Variants in ZMYND12 observed in about 807,000 individuals in gnomAD.
The protein encoded by ZMYND12 is zinc finger MYND domain-containing protein 12.
Under a neutral mutation model 41.7 loss-of-function variants are expected in ZMYND12, and 32 were observed. The observed-to-expected ratio is 0.77, with a 90% CI of 0.58 to 1.03. ZMYND12 has a LOEUF of 1.03. ZMYND12 is among the 50% of genes least tolerant of loss of function. The pLI is 0.00. For synonymous variants in ZMYND12, 148 were observed against 164.8 expected (o/e 0.90, Z 0.78); for missense variants, 424 against 438.5 (o/e 0.97, Z 0.30).
At chr1:42,453,587 G>GT (rs1367836609) in intron 1 of ZMYND12, among the ~76,000 whole-genome samples, 1 of 152,230 alleles carries the variant, frequency 6.6e-6, no homozygotes, top group Non-Finnish European at 1.5e-5. Context: ...ACAGAGTACT[G>GT]TAAAGTTAGT....
At chr1:42,445,393 AT>A (rs1643013397) in intron 3 of ZMYND12, among the ~76,000 whole-genome samples, 1 of 148,920 alleles carries the variant, frequency 6.7e-6, no homozygotes, top group Non-Finnish European at 1.5e-5. Context: ...AGATCAGGCC[AT>A]TGCACTCCAG....
Position 42,430,744 on chromosome 1 carries a change from T to C in ZMYND12, c.1090A>G (p.Ile364Val), listed in dbSNP as rs776847472. The C allele has an allele frequency of 1.9e-6, 3 of 1,614,136 alleles. No homozygotes were observed. Among genetic ancestry groups the C allele is most frequent in the Non-Finnish European group, 1.7e-6 (2 of 1,180,000 alleles). ...LSLISTEDHP[I>V]T ...GCAGAGCTCATGGGTCACTAAGTAA[T>C]GGGATGGTCTTCAGTTGAAATGAGA... Residue 364 changes from isoleucine to valine, a missense_variant, in exon 8 of 8, where the codon ATT (isoleucine) becomes GTT (valine). Coordinates refer to ENST00000372565, the MANE Select transcript of ZMYND12 (RefSeq NM_032257.5).
chr1:42,430,679 A>C lies in ZMYND12; in HGVS notation c.*57T>G. The C allele has an allele frequency of 6.3e-7, 1 of 1,597,552 alleles. No individual in the cohort carries two copies. Among genetic ancestry groups the C allele is most frequent in the Non-Finnish European group, 8.6e-7 (1 of 1,166,724 alleles). The stretch of plus-strand genomic sequence containing the variant: ...CTCAAAGCAGTTGTGCAAGGCTGGA[A>C]TATATTAGATCTTCAGTAGCCCCTG... On this transcript the variant is annotated 3_prime_UTR_variant, in exon 8 of 8. Coordinates refer to ENST00000372565, the MANE Select transcript of ZMYND12 (RefSeq NM_032257.5).
intron 4 of ZMYND12, among the ~76,000 whole-genome samples, chr1:42,438,155 T>C (rs766993922): frequency 3.9e-5 from 6 of 152,340 alleles, no homozygotes; most frequent in Admixed American, 2.0e-4. Context: ...AATGTGCCTC[T>C]GCTTAATTTG....
intron 4 of ZMYND12, among the ~76,000 whole-genome samples, chr1:42,438,364 C>G (rs1030878319): frequency 9.2e-5 from 14 of 152,134 alleles, no homozygotes; most frequent in Admixed American, 3.9e-4. Flanking sequence ...AGTGAAACAC[C>G]AGGGACTACC....
At chr1:42,433,070 A>G in intron 7 of ZMYND12, 73 bp downstream of exon 7, 1 of 1,591,574 alleles carries the variant, frequency 6.3e-7, no homozygotes, top group Non-Finnish European at 8.5e-7. Context: ...ATTGGGCAAA[A>G]CACAAATTTT....
intron 1 of ZMYND12, among the ~76,000 whole-genome samples, chr1:42,455,517 G>A (rs999419883): frequency 4.6e-5 from 7 of 152,146 alleles, no homozygotes; most frequent in Non-Finnish European, 4.4e-5. Flanking sequence ...CAGGCGATCC[G>A]CCCGCCTCGG....
intron 1 of ZMYND12, among the ~76,000 whole-genome samples, chr1:42,454,758 C>A (rs1170779338): frequency 6.7e-6 from 1 of 150,304 alleles, no homozygotes; most frequent in East Asian, 1.9e-4. Flanking sequence ...AGCTGGAGTG[C>A]AATGGAGCGA....
intron 1 of ZMYND12, among the ~76,000 whole-genome samples, chr1:42,452,713 T>TA (rs1054601550): frequency 1.3e-5 from 2 of 151,746 alleles, no homozygotes; most frequent in Non-Finnish European, 2.9e-5. Flanking sequence ...AAAAAAATAA[T>TA]AAAAAAATAA....
chr1:42,452,321 C>T (rs1337192766), intron 1 of ZMYND12, among the ~76,000 whole-genome samples: 2 of 152,162 alleles, frequency 1.3e-5, no homozygotes, highest in Non-Finnish European at 2.9e-5. Context: ...ACAGAATGTA[C>T]GCCCTGACTA....
chr1:42,437,702 G>C (rs1642923051), intron 4 of ZMYND12, among the ~76,000 whole-genome samples: 3 of 148,630 alleles, frequency 2.0e-5, no homozygotes, highest in African/African-American at 7.5e-5. Flanking sequence ...TTTTTTTGGA[G>C]ACTGAGTCTC....
chr1:42,455,926 G>A lies in ZMYND12; in HGVS notation c.72C>T (p.Ala24=), dbSNP rs1643168201. Reference sequence around the variant, plus strand: ...CTGTGCAGGCCGCGCACACCCGCTCGGCTGGGGCTTCGCACACCTCACAGC... The same window carrying A: ...CTGTGCAGGCCGCGCACACCCGCTCAGCTGGGGCTTCGCACACCTCACAGC... ...RLCCEVCEAP[A]ERVCAACTVT... Residue 24 remains alanine (A), a synonymous_variant, in exon 1 of 8, where the codon GCC becomes GCT. Coordinates refer to ENST00000372565, the MANE Select transcript of ZMYND12 (RefSeq NM_032257.5). The A allele has an allele frequency of 1.9e-6, 3 of 1,613,746 alleles. No individual in the cohort carries two copies. The highest frequency in any genetic ancestry group is 1.7e-6 in the Non-Finnish European group (2 of 1,179,942).
In ZMYND12 at chr1:42,437,853, G is replaced by C. The variant is rs982337887; in HGVS notation, c.595-1310C>G. Among the ~76,000 whole-genome samples the C allele has an allele frequency of 3.9e-5, 6 of 151,996 alleles. No homozygotes were observed. In the South Asian group the frequency reaches 1.0e-3, roughly 26 times the overall value. ...CATGCCACCACACCCAGCTAATTTT[G>C]TATATTTAGACGGGGTTTCACCATG... is the stretch of plus-strand genomic sequence containing the variant. On this transcript the variant is annotated intron_variant, in intron 4 of 7. Coordinates refer to ENST00000372565, the MANE Select transcript of ZMYND12 (RefSeq NM_032257.5).
At chr1:42,434,822 A>T (rs762284877) in intron 6 of ZMYND12, among the ~76,000 whole-genome samples, 1 of 151,984 alleles carries the variant, frequency 6.6e-6, no homozygotes, top group Non-Finnish European at 1.5e-5. Context: ...CAATATATTA[A>T]TAATAATAAA....
Position 42,456,019 on chromosome 1 carries a change from C to A in ZMYND12, c.-22G>T, listed in dbSNP as rs748902366. ...TCATGGTGCAGCCAGCAGTGCTGGT[C>A]TCTAAGACGGTTGCCCAGCAAGGAT... On this transcript the variant is annotated 5_prime_UTR_variant, in exon 1 of 8. Coordinates refer to ENST00000372565, the MANE Select transcript of ZMYND12 (RefSeq NM_032257.5). 1 of 1,578,632 alleles carries A rather than the reference C, an allele frequency of 6.3e-7. No individual in the cohort carries two copies. The highest frequency in any genetic ancestry group is 8.7e-7 in the Non-Finnish European group (1 of 1,153,390).
At chr1:42,450,138 C>G in intron 1 of ZMYND12, 79 bp from the exon 2 acceptor site, 6 of 1,521,556 alleles carry the variant, frequency 3.9e-6, no homozygotes, top group Non-Finnish European at 5.3e-6. Context: ...ACTGGCCTAT[C>G]CCTAGACACC....
At chr1:42,438,981 C>T (rs143346506) in intron 4 of ZMYND12, among the ~76,000 whole-genome samples, 276 of 152,332 alleles carry the variant, frequency 1.8e-3, no homozygotes, top group African/African-American at 5.0e-3. Context: ...AACATCCCAT[C>T]TAACTTTGTA....
chr1:42,453,620 C>G (rs1643109881), intron 1 of ZMYND12, among the ~76,000 whole-genome samples: 1 of 152,200 alleles, frequency 6.6e-6, no homozygotes, highest in African/African-American at 2.4e-5. Flanking sequence ...GGAATTACTT[C>G]CGGCTGGAGG....
intron 7 of ZMYND12, among the ~76,000 whole-genome samples, chr1:42,431,741 G>A (rs975199251): frequency 1.3e-5 from 2 of 152,182 alleles, no homozygotes; most frequent in African/African-American, 4.8e-5. Flanking sequence ...TGAAAGTTCA[G>A]TGGAAATATT....
Sources: gnomAD v4.1 joint callset for allele counts (sites outside exome capture counted in the v4.1 genomes callset) on GRCh38, gnomAD v4.1.1 for gene constraint, MANE v1.5 for transcripts, NCBI Gene and HGNC (gene_info 2026-07-23, HGNC 2026-07-21) for gene names.